Variants in EFL1 observed in about 807,000 individuals in gnomAD.
The protein encoded by EFL1 is elongation factor-like GTPase 1.
A neutral mutation model predicts 126.7 loss-of-function variants in EFL1; 76 were observed. That is an observed-to-expected ratio of 0.60 (90% CI 0.50 to 0.73). The LOEUF is 0.73. EFL1 is among the 30% of genes least tolerant of loss of function. EFL1 has a pLI of 0.00. For missense variants in EFL1, 1,128 were observed against 1,343.2 expected (o/e 0.84, Z 2.50); for synonymous variants, 410 against 448.4 (o/e 0.91, Z 1.08).
At chr15:82,168,816 T>A (rs2074104453) in intron 15 of EFL1, among the ~76,000 whole-genome samples, 1 of 152,200 alleles carries the variant, frequency 6.6e-6, no homozygotes. Flanking sequence ...CTTACACATA[T>A]TACTTCAAGA....
At chr15:82,192,736 T>C (rs1477269611) in intron 15 of EFL1, among the ~76,000 whole-genome samples, 7 of 152,128 alleles carry the variant, frequency 4.6e-5, no homozygotes, top group Admixed American at 1.3e-4. Flanking sequence ...ACAGAGATTA[T>C]ACACACTCAT....
intron 15 of EFL1, among the ~76,000 whole-genome samples, chr15:82,184,760 T>C (rs1567054601): frequency 6.6e-6 from 1 of 152,200 alleles, no homozygotes; most frequent in Non-Finnish European, 1.5e-5. Context: ...AGGAAGAAGA[T>C]GAAACTTCCA....
At chr15:82,208,386 G>C (rs991453575) in intron 15 of EFL1, among the ~76,000 whole-genome samples, 2 of 152,206 alleles carry the variant, frequency 1.3e-5, no homozygotes, top group African/African-American at 4.8e-5. Context: ...AATATGGCTA[G>C]TGCAACTGAT....
intron 18 of EFL1, among the ~76,000 whole-genome samples, chr15:82,144,182 G>T (rs917374821): frequency 3.3e-5 from 5 of 151,938 alleles, no homozygotes; most frequent in African/African-American, 1.2e-4. Flanking sequence ...GAGCCTAGGA[G>T]GTTGAGGCTG....
chr15:82,249,448 T>C (rs546742032), intron 4 of EFL1, among the ~76,000 whole-genome samples: 3 of 152,188 alleles, frequency 2.0e-5, no homozygotes, highest in South Asian at 4.1e-4. Flanking sequence ...CAGCAATATT[T>C]GCTCAGATAT....
At chr15:82,157,565 A>T (rs1045508) in intron 17 of EFL1, 148 bp downstream of exon 17, 1 of 940,058 alleles carries the variant, frequency 1.1e-6, no homozygotes, top group Non-Finnish European at 1.5e-6. Flanking sequence ...ATAAGTCTAC[A>T]ATCGAATAAC....
intron 17 of EFL1, among the ~76,000 whole-genome samples, chr15:82,156,362 C>G (rs1303191197): frequency 6.6e-6 from 1 of 152,172 alleles, no homozygotes. Context: ...TCTCAGCTCA[C>G]CACAGTCTCT....
intron 19 of EFL1, among the ~76,000 whole-genome samples, chr15:82,130,840 TACAACAACA>T (rs61308871): frequency 1.3e-5 from 2 of 150,968 alleles, no homozygotes; most frequent in African/African-American, 4.9e-5. Flanking sequence ...TCTACTAAAA[TACAACAACA>T]ACAACAACAA....
At chr15:82,230,706 C>A (rs2074812621) in intron 8 of EFL1, 142 bp downstream of exon 8, 2 of 955,862 alleles carry the variant, frequency 2.1e-6, no homozygotes, top group Non-Finnish European at 2.8e-6. Context: ...GTAAGCCTTT[C>A]CCAATTATAT....
At chr15:82,219,900 T>C (rs2074691526) in intron 13 of EFL1, 82 bp from the exon 14 acceptor site, 2 of 1,508,346 alleles carry the variant, frequency 1.3e-6, no homozygotes, top group East Asian at 4.6e-5. Context: ...GAGGAGTGAA[T>C]ATGATATCTT....
rs1398033339 is a variant in EFL1 at position 82,229,698 on chromosome 15, T to C, written c.856-588A>G. Among the ~76,000 whole-genome samples the C allele has an allele frequency of 1.4e-4, 21 of 152,148 alleles. 1 individual carries two copies. Among genetic ancestry groups the C allele is most frequent in the Admixed American group, 1.4e-3 (21 of 15,276 alleles). ...ATTAAGAAATTAAAAGTCATTGGCTTAGAATGCTCAGTTTTAAAAAAAAGC... is the reference window on the plus strand; with the variant it reads ...ATTAAGAAATTAAAAGTCATTGGCTCAGAATGCTCAGTTTTAAAAAAAAGC... On this transcript the variant is annotated intron_variant, in intron 8 of 19. Coordinates refer to ENST00000268206, the MANE Select transcript of EFL1 (RefSeq NM_024580.6).
intron 7 of EFL1, among the ~76,000 whole-genome samples, chr15:82,233,427 A>G (rs1567073547): frequency 6.6e-6 from 1 of 152,210 alleles, no homozygotes; most frequent in African/African-American, 2.4e-5. Context: ...TTCATTGCCT[A>G]TCTTCCTGAA....
chr15:82,154,452 T>C lies in EFL1; in HGVS notation c.2031-2029A>G, dbSNP rs369360206. On this transcript the variant is annotated intron_variant, in intron 17 of 19. Transcript: ENST00000268206. ...CTACCAAAAGGTAGGCTCTGTCCTA[T>C]GAGAACTAAACAAATTCTATAACAT... Among the ~76,000 whole-genome samples the C allele has an allele frequency of 3.9e-5, 6 of 152,338 alleles. No individual in the cohort carries two copies. In the East Asian group the frequency reaches 7.7e-4, roughly 20 times the overall value.
At chr15:82,182,930 G>A (rs1025626532) in intron 15 of EFL1, among the ~76,000 whole-genome samples, 2 of 152,114 alleles carry the variant, frequency 1.3e-5, no homozygotes, top group African/African-American at 2.4e-5. Flanking sequence ...ACGAACAATC[G>A]TGAGGAAAAT....
intron 14 of EFL1, among the ~76,000 whole-genome samples, chr15:82,215,180 A>G (rs369613261): frequency 1.3e-5 from 2 of 152,302 alleles, no homozygotes; most frequent in Non-Finnish European, 2.9e-5. Context: ...TGTGAACCAC[A>G]TCATACACCA....
At chr15:82,143,787 A>G (rs1310732301) in intron 18 of EFL1, among the ~76,000 whole-genome samples, 1 of 152,236 alleles carries the variant, frequency 6.6e-6, no homozygotes, top group African/African-American at 2.4e-5. Context: ...AAGAAGGCAC[A>G]ATGATCAAAT....
At chr15:82,225,566 C>T (rs2074754652) in intron 11 of EFL1, among the ~76,000 whole-genome samples, 1 of 152,154 alleles carries the variant, frequency 6.6e-6, no homozygotes, top group African/African-American at 2.4e-5. Flanking sequence ...AACCACCTAC[C>T]ATAAGCACTA....
At chr15:82,174,362 G>GT (rs1164656131) in intron 15 of EFL1, 1 of 151,756 alleles carries the variant, frequency 6.6e-6, no homozygotes, top group African/African-American at 2.4e-5. Context: ...TGTGATCTTG[G>GT]TATCTCCCCT....
intron 18 of EFL1, 65 bp downstream of exon 18, chr15:82,151,400 T>C (rs1046786452): frequency 3.4e-6 from 5 of 1,458,922 alleles, no homozygotes; most frequent in Non-Finnish European, 3.7e-6. Flanking sequence ...AAACAAGATT[T>C]TGAGTCTAGG....
Sources: gnomAD v4.1 joint callset for allele counts (sites outside exome capture counted in the v4.1 genomes callset) on GRCh38, gnomAD v4.1.1 for gene constraint, MANE v1.5 for transcripts, NCBI Gene and HGNC (gene_info 2026-07-23, HGNC 2026-07-21) for gene names.